Variants in TOX3 observed in about 807,000 individuals in gnomAD.
The protein encoded by TOX3 is CAG trinucleotide repeat-containing gene F9 protein.
A neutral mutation model predicts 64.3 loss-of-function variants in TOX3; 22 were observed. The observed-to-expected ratio is 0.34, with a 90% confidence interval of 0.24 to 0.49. The LOEUF is 0.49. Among genes scored for constraint, TOX3 ranks in the 20% least tolerant of loss-of-function variants. The probability of loss-of-function intolerance (pLI) is 0.99; values close to 1 mark genes in which losing one functional copy is unlikely to be tolerated. For synonymous variants in TOX3, 291 were observed against 273.6 expected (o/e 1.06, Z -0.63); for missense variants, 661 against 714.4 (o/e 0.93, Z 0.85).
intron 1 of TOX3, among the ~76,000 whole-genome samples, 197 bp downstream of exon 1, chr16:52,546,440 G>T (rs1330935210): frequency 1.3e-5 from 2 of 152,184 alleles, no homozygotes; most frequent in African/African-American, 4.8e-5. Context: ...AGCGCCGGCT[G>T]GGGGACAAAA....
In TOX3 at chr16:52,438,893, G is replaced by A; in HGVS notation, c.*332C>T. The A allele has an allele frequency of 1.9e-6, 1 of 533,470 alleles. No homozygotes were observed. Among genetic ancestry groups the A allele is most frequent in the Non-Finnish European group, 3.7e-6 (1 of 270,540 alleles). The allele number at this position is 533,470 out of a possible 1,614,324, so 33.0% of individuals were successfully genotyped here. On this transcript the variant is annotated 3_prime_UTR_variant, in exon 7 of 7. Transcript: ENST00000219746. The stretch of plus-strand genomic sequence containing the variant: ...AATAAGGCCATTTTTCTATGACTCA[G>A]AGAGGCCAGTTTATAGTCATCAGTA...
chr16:52,464,773 T>C (rs189194485), intron 2 of TOX3, among the ~76,000 whole-genome samples: 1 of 152,192 alleles, frequency 6.6e-6, no homozygotes, highest in South Asian at 2.1e-4. Context: ...ATTATCATAG[T>C]TCATATTAAA....
At chr16:52,459,716 C>T (rs1960632195) in intron 3 of TOX3, among the ~76,000 whole-genome samples, 1 of 152,090 alleles carries the variant, frequency 6.6e-6, no homozygotes, top group South Asian at 2.1e-4. Flanking sequence ...GCATTAAACA[C>T]ATTAATGACC....
chr16:52,459,173 G>A (rs1960616015), intron 3 of TOX3, among the ~76,000 whole-genome samples: 1 of 151,950 alleles, frequency 6.6e-6, no homozygotes, highest in Non-Finnish European at 1.5e-5. Context: ...AAAACTAGCT[G>A]GACATGGTGG....
chr16:52,519,512 C>T (rs887295344), intron 1 of TOX3: 2 of 1,549,682 alleles, frequency 1.3e-6, no homozygotes, highest in African/African-American at 2.7e-5. Context: ...GTATCTAAAT[C>T]CTCTCTACCC....
intron 1 of TOX3, among the ~76,000 whole-genome samples, chr16:52,480,727 A>G (rs1961347079): frequency 6.6e-6 from 1 of 152,170 alleles, no homozygotes; most frequent in African/African-American, 2.4e-5. Flanking sequence ...GACTTCCTAT[A>G]CTATCTTCCA....
intron 2 of TOX3, among the ~76,000 whole-genome samples, chr16:52,465,432 G>A (rs981837200): frequency 4.0e-5 from 6 of 150,800 alleles, no homozygotes; most frequent in African/African-American, 1.2e-4. Flanking sequence ...AGGTTCTGGG[G>A]GAGTGGCAAG....
Position 52,546,762 on chromosome 16 carries a change from T to A in TOX3, c.-39A>T. 1 of 1,468,732 alleles carries A rather than the reference T, an allele frequency of 6.8e-7. No individual in the cohort carries two copies. Among genetic ancestry groups the A allele is most frequent in the Non-Finnish European group, 9.0e-7 (1 of 1,112,148 alleles). 91.0% of individuals were successfully genotyped at this position (1,468,732 alleles called of 1,614,324 possible). On this transcript the variant is annotated 5_prime_UTR_variant, in exon 1 of 7. Coordinates refer to ENST00000219746, the MANE Select transcript of TOX3 (RefSeq NM_001080430.4). ...CCGGGGCCGGGGGCCGGGACTGGGG[T>A]TCGCCGGGGCCGGGACCCGCCTCCT...
chr16:52,537,878 T>TAAAAAAA (rs57403617), intron 1 of TOX3, among the ~76,000 whole-genome samples: 27 of 110,978 alleles, frequency 2.4e-4, no homozygotes, highest in African/African-American at 6.3e-4. Context: ...GCTGATATGA[T>TAAAAAAA]AAAAAAAAAA....
chr16:52,500,675 T>C (rs1401131441), intron 1 of TOX3, among the ~76,000 whole-genome samples: 1 of 152,218 alleles, frequency 6.6e-6, no homozygotes, highest in Admixed American at 6.5e-5. Context: ...TTAAACACCA[T>C]CTATATTCTA....
Position 52,439,133 on chromosome 16 carries a change from A to G in TOX3, c.*92T>C. ...TTGATCTGTTACACATTTCTGCATA[A>G]CCAACACCAACTTACAGGTTTCAGC... is the stretch of plus-strand genomic sequence containing the variant. On this transcript the variant is annotated 3_prime_UTR_variant, in exon 7 of 7. Coordinates refer to ENST00000219746, the MANE Select transcript of TOX3 (RefSeq NM_001080430.4). 6.4e-7 allele frequency: 1 copy of G among 1,571,154 alleles called. No homozygotes were observed. The highest frequency in any genetic ancestry group is 1.3e-5 in the African/African-American group (1 of 74,372).
intron 1 of TOX3, among the ~76,000 whole-genome samples, chr16:52,539,570 C>G (rs1032191796): frequency 6.6e-6 from 1 of 152,208 alleles, no homozygotes; most frequent in African/African-American, 2.4e-5. Context: ...TCCTCAGGTC[C>G]AAGGATGTTG....
chr16:52,527,723 T>C (rs902715868), intron 1 of TOX3, among the ~76,000 whole-genome samples: 6 of 152,136 alleles, frequency 3.9e-5, no homozygotes, highest in African/African-American at 1.4e-4. Flanking sequence ...TCCTTTTAGC[T>C]CCATCAGGCC....
At chr16:52,512,760 T>A (rs956647848) in intron 1 of TOX3, among the ~76,000 whole-genome samples, 4 of 152,048 alleles carry the variant, frequency 2.6e-5, no homozygotes, top group Non-Finnish European at 1.5e-5. Flanking sequence ...AAAGAATTCC[T>A]TGCAGAAGAA....
intron 1 of TOX3, among the ~76,000 whole-genome samples, chr16:52,522,844 A>T (rs1179228155): frequency 5.3e-5 from 8 of 152,108 alleles, no homozygotes. Context: ...TTTTTTGCGA[A>T]TCCCACTTTT....
At chr16:52,535,066 G>T (rs1035203565) in intron 1 of TOX3, among the ~76,000 whole-genome samples, 1 of 152,132 alleles carries the variant, frequency 6.6e-6, no homozygotes, top group African/African-American at 2.4e-5. Flanking sequence ...ACCAAAAGAG[G>T]ATCATCCAAG....
At position 52,446,290 on chromosome 16, in the gene TOX3, ATC is replaced by A. The variant is rs1402593789; in HGVS notation, c.679-71_679-70del. 2.0e-6 allele frequency: 3 copies of A among 1,484,544 alleles called. No individual in the cohort carries two copies. The African/African-American group carries it at 4.2e-5, about 21-fold the overall frequency. 92.0% of individuals were successfully genotyped at this position (1,484,544 alleles called of 1,614,324 possible). A position where few individuals can be genotyped will look rare whatever the true frequency, so the allele number is the denominator to read the frequency against. ...GAGAATGCAACAAGACTTAACTCAG[ATC>A]CATAATTGTTCTTTGAAGGTTTTGT... On this transcript the variant is annotated intron_variant, in intron 4 of 6. Transcript: ENST00000219746.
At chr16:52,546,277 C>T (rs938777485) in intron 1 of TOX3, among the ~76,000 whole-genome samples, 1 of 152,160 alleles carries the variant, frequency 6.6e-6, no homozygotes, top group Admixed American at 6.5e-5. Flanking sequence ...GTAGCCCCCA[C>T]TCAGTCCAGG....
chr16:52,488,609 A>G (rs953925523), intron 1 of TOX3, among the ~76,000 whole-genome samples: 1 of 152,196 alleles, frequency 6.6e-6, no homozygotes, highest in Admixed American at 6.5e-5. Context: ...GGAAAACAAA[A>G]GTTAAAAAAG....
Sources: allele counts gnomAD v4.1 joint callset (sites outside exome capture counted in the v4.1 genomes callset), GRCh38; gene constraint gnomAD v4.1.1; transcripts MANE v1.5; gene names NCBI Gene and HGNC (gene_info 2026-07-23, HGNC 2026-07-21).